HEATR1: variants seen among roughly 807,000 people sequenced by gnomAD.
HEATR1 encodes the protein HEAT repeat-containing protein 1.
In HEATR1, 77 loss-of-function variants were observed where a neutral mutation model predicts 248.2. The ratio of observed to expected loss-of-function variants is 0.31; its 90% CI spans 0.26 to 0.37. HEATR1 has a LOEUF of 0.37. HEATR1 is among the 10% of genes least tolerant of loss of function. HEATR1 has a pLI of 1.00. For missense variants in HEATR1, 2,420 were observed against 2,504.9 expected (o/e 0.97, Z 0.72); for synonymous variants, 897 against 923.1 (o/e 0.97, Z 0.51).
At position 236,590,828 on chromosome 1, in the gene HEATR1, A is replaced by T; in HGVS notation, c.1530+19T>A. The T allele has an allele frequency of 7.3e-7, 1 of 1,361,014 alleles. No individual in the cohort carries two copies. The highest frequency in any genetic ancestry group is 9.9e-7 in the Non-Finnish European group (1 of 1,009,360). 84.3% of individuals were successfully genotyped at this position (1,361,014 alleles called of 1,614,324 possible). ...TCATAAGAAAAAAAAACCATATAAA[A>T]AAGCGATCTGAAACAAACCTTTGAT... is the stretch of plus-strand genomic sequence containing the variant. On this transcript the variant is annotated intron_variant, in intron 12 of 44. Transcript: ENST00000366582.
chr1:236,571,501 A>G (rs1400516994), intron 27 of HEATR1, 29 bp from the exon 28 acceptor site: 2 of 1,613,410 alleles, frequency 1.2e-6, no homozygotes, highest in Non-Finnish European at 1.7e-6. Flanking sequence ...CAAAAACCCT[A>G]AGTGGCAGGT....
intron 30 of HEATR1, 116 bp from the exon 31 acceptor site, chr1:236,566,161 T>A (rs1663262780): frequency 4.3e-6 from 4 of 920,292 alleles, no homozygotes; most frequent in Non-Finnish European, 6.3e-6. Context: ...TTATTTAGAG[T>A]GGGTCGAGAT....
In HEATR1 at chr1:236,596,880, C is replaced by T. The variant is rs769692131; in HGVS notation, c.700G>A (p.Val234Ile). Residue 234 changes from valine (V) to isoleucine (I), a missense_variant, in exon 6 of 45, where the codon GTA becomes ATA. Coordinates refer to ENST00000366582, the MANE Select transcript of HEATR1 (RefSeq NM_018072.6). ...AGTTTGGCGATGATATTGTCTGATA[C>T]GTCCTCTGCAGCTACCAGCGCCGAC... ...IVSALVAAED[V>I]SDNIIAKLFP... 8.7e-6 allele frequency: 14 copies of T among 1,614,034 alleles called. No individual in the cohort carries two copies. Among genetic ancestry groups the T allele is most frequent in the Non-Finnish European group, 1.0e-5 (12 of 1,179,936 alleles).
In HEATR1 at chr1:236,586,496, G is replaced by A. The variant is rs564459848; in HGVS notation, c.1716-44C>T. ...CACTTGGTTGAAAGACACATTGGAAGGCTTCAATTGGGCAAAAATTCATCA... is the reference window on the plus strand; with the variant it reads ...CACTTGGTTGAAAGACACATTGGAAAGCTTCAATTGGGCAAAAATTCATCA... On this transcript the variant is annotated intron_variant, in intron 14 of 44. Transcript: ENST00000366582. 1.6e-5 allele frequency: 22 copies of A among 1,391,776 alleles called. No individual in the cohort carries two copies. In the South Asian group the frequency reaches 2.3e-4, roughly 15 times the overall value. The allele number at this position is 1,391,776 out of a possible 1,614,324, so 86.2% of individuals were successfully genotyped here.
In HEATR1 at chr1:236,554,729, T is replaced by G. The variant is rs747239592; in HGVS notation, c.5947A>C (p.Asn1983His). Residue 1983 changes from asparagine to histidine, a missense_variant, in exon 42 of 45, where the codon AAT (asparagine) becomes CAT (histidine). Asn to His is a moderately conservative substitution (Grantham distance 68). Transcript: ENST00000366582. ...KTDEAFFDSE[N>H]DPEKCCLLLQ... is the part of the protein sequence containing the mutation. ...AGCAAGCAGCACTTTTCAGGGTCATTTTCAGAGTCAAAAAATGCTTCATCT... is the reference window on the plus strand; with the variant it reads ...AGCAAGCAGCACTTTTCAGGGTCATGTTCAGAGTCAAAAAATGCTTCATCT... The G allele has an allele frequency of 6.2e-7, 1 of 1,610,960 alleles. No homozygotes were observed. Among genetic ancestry groups the G allele is most frequent in the East Asian group, 2.2e-5 (1 of 44,814 alleles).
intron 24 of HEATR1, 23 bp from the exon 25 acceptor site, chr1:236,572,851 G>A (rs769265779): frequency 5.7e-6 from 9 of 1,578,830 alleles, no homozygotes; most frequent in Non-Finnish European, 7.8e-6. Context: ...AGGAAGAAGA[G>A]TTGATGATAT....
chr1:236,597,060 G>T, intron 5 of HEATR1, 84 bp from the exon 6 acceptor site: 1 of 1,297,580 alleles, frequency 7.7e-7, no homozygotes, highest in Admixed American at 2.2e-5. Flanking sequence ...TCAAGGCTGA[G>T]ATTTCAATGA....
chr1:236,560,275 TAA>T (rs761680255), intron 33 of HEATR1, among the ~76,000 whole-genome samples: 9 of 151,824 alleles, frequency 5.9e-5, no homozygotes, highest in Admixed American at 4.6e-4. Flanking sequence ...ACCATTTATA[TAA>T]AGAGAAATAT....
chr1:236,556,058 C>T, intron 38 of HEATR1, 42 bp downstream of exon 38: 1 of 1,612,054 alleles, frequency 6.2e-7, no homozygotes, highest in Non-Finnish European at 8.5e-7. Flanking sequence ...TGCAGTACCA[C>T]CTCTCCCTTC....
At chr1:236,600,461 CCCTCTTCTGTGAAAACTCTCCTAT>C (rs1484277007) in intron 3 of HEATR1, among the ~76,000 whole-genome samples, 1 of 151,736 alleles carries the variant, frequency 6.6e-6, no homozygotes, top group Non-Finnish European at 1.5e-5. Flanking sequence ...GCCAACTGAT[CCCTCTTCTGTGAAAACTCTCCTAT>C]CCTTTTACAT....
chr1:236,549,258 C>G lies in HEATR1; in HGVS notation c.*1644G>C, dbSNP rs2103115577. On this transcript the variant is annotated 3_prime_UTR_variant, in exon 45 of 45. Transcript: ENST00000366582. ...TACGTGATTAAAATCAAACCTGTAT[C>G]AGCAAGTTAAATGGTTCCATTTCTG... 1 of 333,458 alleles carries G rather than the reference C, an allele frequency of 3.0e-6. No homozygotes were observed. Among genetic ancestry groups the G allele is most frequent in the East Asian group, 4.4e-5 (1 of 22,484 alleles). The allele number at this position is 333,458 out of a possible 1,614,324, so 20.7% of individuals were successfully genotyped here.
intron 28 of HEATR1, among the ~76,000 whole-genome samples, chr1:236,570,458 G>GTGGTGGTGC (rs1281236299): frequency 6.6e-6 from 1 of 152,124 alleles, no homozygotes; most frequent in Non-Finnish European, 1.5e-5. Flanking sequence ...CATGGTGGTG[G>GTGGTGGTGC]TGGTGGTGCT....
intron 3 of HEATR1, 60 bp from the exon 4 acceptor site, chr1:236,599,684 C>G (rs1317860858): frequency 7.0e-7 from 1 of 1,434,150 alleles, no homozygotes; most frequent in African/African-American, 1.4e-5. Flanking sequence ...GCACCTATTT[C>G]CTCACATGCC....
rs1351035218 is a variant in HEATR1 at position 236,574,224 on chromosome 1, G to C, written c.3437C>G (p.Thr1146Ser). The change falls in exon 24 of 45, where the codon ACT becomes AGT. Residue 1146 changes from threonine to serine, a missense_variant. Coordinates refer to ENST00000366582, the MANE Select transcript of HEATR1 (RefSeq NM_018072.6). ...TACCCCTTTAAAAACACTGCTGACA[G>C]TCTGAGCACAATGTGAGTTTTTACA... ...VNCKNSHCAQ[T>S]VSSVFKGISV... 5.6e-6 allele frequency: 9 copies of C among 1,610,604 alleles called. No individual in the cohort carries two copies. Among genetic ancestry groups the C allele is most frequent in the East Asian group, 4.5e-5 (2 of 44,770 alleles).
intron 20 of HEATR1, among the ~76,000 whole-genome samples, chr1:236,580,841 G>A (rs577058788): frequency 1.9e-3 from 49 of 25,702 alleles, no homozygotes; most frequent in Admixed American, 4.1e-3. Flanking sequence ...TTTTTTTTGA[G>A]ATGGAGTCTC....
At position 236,557,207 on chromosome 1, in the gene HEATR1, G is replaced by A. The variant is rs1478044720; in HGVS notation, c.5343C>T (p.Gly1781=). ...TATCGTGGCTCACCTGGGAGAGAAT[G>A]CCTTCCAGATAGGGGCTGATGAAGT... ...LPHFISPYLE[G]ILSQVIHLEK... The change falls in exon 37 of 45, where the codon GGC becomes GGT. Residue 1781 remains glycine (G), a synonymous_variant. Coordinates refer to ENST00000366582, the MANE Select transcript of HEATR1 (RefSeq NM_018072.6). The A allele has an allele frequency of 2.5e-6, 4 of 1,613,888 alleles. No individual in the cohort carries two copies. The highest frequency in any genetic ancestry group is 2.7e-5 in the African/African-American group (2 of 74,938).
At position 236,587,446 on chromosome 1, in the gene HEATR1, A is replaced by G. The variant is rs770377883; in HGVS notation, c.1671T>C (p.Leu557=). Residue 557 remains leucine (L), a synonymous_variant, in exon 14 of 45, where the codon CTT becomes CTC. Coordinates refer to ENST00000366582, the MANE Select transcript of HEATR1 (RefSeq NM_018072.6). ...GTTCTGCTCTTTGAAAGAGATTCAG[A>G]AGATTTGAAATCGTCACTTCTGAAC... ...HFSSEVTISN[L]LNLFQRAELS... 2.6e-6 allele frequency: 4 copies of G among 1,541,536 alleles called. No individual in the cohort carries two copies. In the South Asian group the frequency reaches 5.1e-5, roughly 20 times the overall value.
chr1:236,596,960 G>A lies in HEATR1; in HGVS notation c.620C>T (p.Pro207Leu), dbSNP rs758481863. The change falls in exon 6 of 45, where the codon CCG (proline) becomes CTG (leucine). Residue 207 changes from proline (P) to leucine (L), a missense_variant. Coordinates refer to ENST00000366582, the MANE Select transcript of HEATR1 (RefSeq NM_018072.6). ...TKSVKVFAEY[P>L]GSSAQLRVLL... ...CACCCTCAACTGAGCTGAGCTGCCC[G>A]GGTACTCAGCAAAAACCTGAAACAA... 3.2e-5 allele frequency: 52 copies of A among 1,610,742 alleles called. No individual in the cohort carries two copies. The highest frequency in any genetic ancestry group is 8.0e-5 in the African/African-American group (6 of 74,586).
In HEATR1 at chr1:236,596,847, A is replaced by C. The variant is rs143920214; in HGVS notation, c.733T>G (p.Tyr245Asp). The C allele has an allele frequency of 1.9e-6, 3 of 1,612,596 alleles. No homozygotes were observed. The African/African-American group carries it at 4.0e-5, about 22-fold the overall frequency. The change falls in exon 6 of 45, where the codon TAT becomes GAT. Residue 245 changes from tyrosine to aspartate, a missense_variant. Coordinates refer to ENST00000366582, the MANE Select transcript of HEATR1 (RefSeq NM_018072.6). ...TCAGCAGTGCCAACCTTTTGGATAT[A>C]GGGAAATAGTTTGGCGATGATATTG... ...SDNIIAKLFPYIQKGLKSSLP... is the reference protein window; with the variant it reads ...SDNIIAKLFPDIQKGLKSSLP...
Sources: gnomAD v4.1 joint callset for allele counts (sites outside exome capture counted in the v4.1 genomes callset) on GRCh38, gnomAD v4.1.1 for gene constraint, MANE v1.5 for transcripts, NCBI Gene and HGNC (gene_info 2026-07-23, HGNC 2026-07-21) for gene names.